Variants in LPAR1 observed in about 807,000 individuals in gnomAD.
LPAR1 encodes the protein LPA receptor 1.
A neutral mutation model predicts 23.8 loss-of-function variants in LPAR1; 5 were observed. The ratio of observed to expected loss-of-function variants is 0.21; its 90% confidence interval spans 0.11 to 0.44. The LOEUF (loss-of-function observed/expected upper bound fraction) is 0.44, where lower values mean the gene tolerates loss of function less well. Among genes scored for constraint, LPAR1 ranks in the 20% least tolerant of loss-of-function variants. LPAR1 has a pLI of 0.99. For synonymous variants in LPAR1, 160 were observed against 164.7 expected (o/e 0.97, Z 0.22); for missense variants, 311 against 482.8 (o/e 0.64, Z 3.33).
chr9:110,903,546 A>G (rs779101527), intron 5 of LPAR1: 1 of 152,204 alleles, frequency 6.6e-6, no homozygotes, highest in Non-Finnish European at 1.5e-5. Flanking sequence ...GACAAAGGAC[A>G]GAATCAGTGA....
intron 2 of LPAR1, among the ~76,000 whole-genome samples, chr9:111,020,302 A>C (rs892600834): frequency 6.6e-6 from 1 of 152,208 alleles, no homozygotes; most frequent in African/African-American, 2.4e-5. Context: ...AATAGTATTC[A>C]ACAAGGTTCT....
chr9:111,019,832 G>A (rs922666835), intron 2 of LPAR1, among the ~76,000 whole-genome samples: 1 of 152,146 alleles, frequency 6.6e-6, no homozygotes, highest in Non-Finnish European at 1.5e-5. Flanking sequence ...GCGACAGAGT[G>A]AGACTCCGTC....
intron 4 of LPAR1, among the ~76,000 whole-genome samples, chr9:110,948,165 G>T (rs2095450083): frequency 6.6e-6 from 1 of 151,876 alleles, no homozygotes; most frequent in Non-Finnish European, 1.5e-5. Context: ...AAAATAATCA[G>T]GCCTATTTTC....
intron 2 of LPAR1, among the ~76,000 whole-genome samples, chr9:111,027,213 C>G (rs2097707897): frequency 6.6e-6 from 1 of 151,976 alleles, no homozygotes; most frequent in African/African-American, 2.4e-5. Flanking sequence ...GAACGCTCCA[C>G]CCCAAATCAA....
At chr9:110,987,226 C>T (rs1199917920) in intron 2 of LPAR1, among the ~76,000 whole-genome samples, 2 of 151,990 alleles carry the variant, frequency 1.3e-5, no homozygotes, top group African/African-American at 4.8e-5. Flanking sequence ...TCCAGTAATA[C>T]AGTACTTGGC....
chr9:110,997,421 A>C (rs2097035312), intron 2 of LPAR1, among the ~76,000 whole-genome samples: 1 of 152,168 alleles, frequency 6.6e-6, no homozygotes, highest in Non-Finnish European at 1.5e-5. Flanking sequence ...TTAACTATTG[A>C]GAGAGAGAGA....
rs570527723 is a variant in LPAR1, at chr9:110,963,236, A to C, written c.45+8837T>G. On this transcript the variant is annotated intron_variant, in intron 4 of 5. Coordinates refer to ENST00000683809, the MANE Select transcript of LPAR1 (RefSeq NM_001351411.2). ...TTCATCTTATGAATAGAAAATTCAA[A>C]ATGGGCTTTCAGATTCCAAAATAAT... Among the ~76,000 whole-genome samples, 4 of 152,376 alleles carry C rather than the reference A, an allele frequency of 2.6e-5. No individual in the cohort carries two copies. In the East Asian group the frequency reaches 7.7e-4, roughly 29 times the overall value.
chr9:110,970,628 A>G (rs1263081308), intron 4 of LPAR1, among the ~76,000 whole-genome samples: 2 of 152,158 alleles, frequency 1.3e-5, no homozygotes, highest in African/African-American at 4.8e-5. Flanking sequence ...AGGAGAAAAC[A>G]CTATACTATA....
At chr9:111,015,083 G>T (rs2097415904) in intron 2 of LPAR1, among the ~76,000 whole-genome samples, 1 of 152,120 alleles carries the variant, frequency 6.6e-6, no homozygotes, top group Admixed American at 6.6e-5. Flanking sequence ...ACGGGGAGGA[G>T]ACCATCACAT....
At chr9:110,963,504 T>C (rs1242652358) in intron 4 of LPAR1, among the ~76,000 whole-genome samples, 2 of 152,202 alleles carry the variant, frequency 1.3e-5, no homozygotes, top group East Asian at 1.9e-4. Context: ...ACAGACCATA[T>C]GTAGTGGTTA....
At chr9:110,880,762 G>A (rs981071771) in intron 5 of LPAR1, among the ~76,000 whole-genome samples, 1 of 152,192 alleles carries the variant, frequency 6.6e-6, no homozygotes, top group Non-Finnish European at 1.5e-5. Flanking sequence ...AAATAAATGA[G>A]TGCCTAAGTT....
At chr9:110,949,220 G>T (rs1188884340) in intron 4 of LPAR1, among the ~76,000 whole-genome samples, 1 of 151,984 alleles carries the variant, frequency 6.6e-6, no homozygotes, top group Non-Finnish European at 1.5e-5. Flanking sequence ...CAGCCACACG[G>T]GATTCTCTCA....
At chr9:110,891,663 TAA>T (rs1429181599) in intron 5 of LPAR1, among the ~76,000 whole-genome samples, 1 of 152,110 alleles carries the variant, frequency 6.6e-6, no homozygotes, top group Non-Finnish European at 1.5e-5. Flanking sequence ...GGGAGGGATA[TAA>T]AAGTCAGATT....
At chr9:110,953,982 C>T (rs143426119) in intron 4 of LPAR1, among the ~76,000 whole-genome samples, 2 of 151,832 alleles carry the variant, frequency 1.3e-5, no homozygotes, top group East Asian at 1.9e-4. Context: ...TTATGAAATC[C>T]AGGACAAAGA....
intron 5 of LPAR1, among the ~76,000 whole-genome samples, chr9:110,937,507 A>T (rs1420083070): frequency 6.6e-6 from 1 of 152,158 alleles, no homozygotes; most frequent in Non-Finnish European, 1.5e-5. Flanking sequence ...TATCAACTGG[A>T]AAATAAGGAT....
chr9:110,945,627 A>C (rs1237181543), intron 4 of LPAR1, among the ~76,000 whole-genome samples: 1 of 152,212 alleles, frequency 6.6e-6, no homozygotes, highest in Non-Finnish European at 1.5e-5. Flanking sequence ...TAAATATACA[A>C]ATTTATTCTC....
At chr9:110,920,942 A>G (rs1217593688) in intron 5 of LPAR1, among the ~76,000 whole-genome samples, 3 of 151,992 alleles carry the variant, frequency 2.0e-5, no homozygotes, top group Admixed American at 6.6e-5. Flanking sequence ...GGGAAACATA[A>G]TGAGACCCCA....
intron 5 of LPAR1, among the ~76,000 whole-genome samples, chr9:110,925,200 T>A (rs953053321): frequency 6.6e-6 from 1 of 151,574 alleles, no homozygotes; most frequent in Non-Finnish European, 1.5e-5. Context: ...AAAATACAGT[T>A]TTTTCCTGAG....
intron 5 of LPAR1, among the ~76,000 whole-genome samples, chr9:110,879,732 C>G (rs550681442): frequency 6.6e-6 from 1 of 152,212 alleles, no homozygotes; most frequent in Admixed American, 6.5e-5. Context: ...AAAGTAAAGG[C>G]AAAACTATTT....
Sources: gnomAD v4.1 joint callset for allele counts (sites outside exome capture counted in the v4.1 genomes callset) on GRCh38, gnomAD v4.1.1 for gene constraint, MANE v1.5 for transcripts, NCBI Gene and HGNC (gene_info 2026-07-23, HGNC 2026-07-21) for gene names.